UBE2L6: variants seen among roughly 807,000 people sequenced by gnomAD.
UBE2L6 encodes the protein ubiquitin/ISG15-conjugating enzyme E2 L6.
Under a neutral mutation model 13.6 loss-of-function variants are expected in UBE2L6, and 11 were observed. The observed-to-expected ratio is 0.81, with a 90% CI of 0.51 to 1.34. The LOEUF (loss-of-function observed/expected upper bound fraction) is 1.34, where lower values mean the gene tolerates loss of function less well. Among genes scored for constraint, UBE2L6 ranks in the 40% most tolerant of loss-of-function variants. The pLI is 0.00. For missense variants in UBE2L6, 197 were observed against 199.5 expected (o/e 0.99, Z 0.07); for synonymous variants, 74 against 83.2 (o/e 0.89, Z 0.60).
rs1554991567 is a variant in UBE2L6 at position 57,566,955 on chromosome 11, C to CT, written c.27+629_27+630insA. 7.7e-3 allele frequency: 1,638 copies of CT among 211,476 alleles called. 94 individuals are homozygous for CT. Among genetic ancestry groups the CT allele is most frequent in the African/African-American group, 0.049 (1,506 of 30,454 alleles). 13.1% of individuals were successfully genotyped at this position (211,476 alleles called of 1,614,324 possible). A position where few individuals can be genotyped will look rare whatever the true frequency, so the allele number is the denominator to read the frequency against. On this transcript the variant is annotated intron_variant, in intron 1 of 3. Coordinates refer to ENST00000287156, the MANE Select transcript of UBE2L6 (RefSeq NM_004223.5). ...TGTGTTCATCTCTGCCCGCCCCCCC[C>CT]CCCCTCCTAGAACAGGGCCAGCACA...
upstream of UBE2L6, chr11:57,567,720 C>T (rs950361653): frequency 2.8e-5 from 38 of 1,378,688 alleles, no homozygotes; most frequent in Middle Eastern, 2.5e-4. Context: ...CAGCCCCGCC[C>T]ACCCCTCCTC....
At chr11:57,566,838 A>G (rs1353872944) in intron 1 of UBE2L6, among the ~76,000 whole-genome samples, 1 of 150,428 alleles carries the variant, frequency 6.6e-6, no homozygotes, top group Admixed American at 6.6e-5. Context: ...GGGTTTTCCC[A>G]CCTTCTGGAG....
At chr11:57,560,729 T>A (rs1235683466) in intron 1 of UBE2L6, among the ~76,000 whole-genome samples, 1 of 151,632 alleles carries the variant, frequency 6.6e-6, no homozygotes, top group Non-Finnish European at 1.5e-5. Context: ...CACGCCATTC[T>A]CCTGCCTCAG....
At position 57,552,220 on chromosome 11, in the gene UBE2L6, C is replaced by T; in HGVS notation, c.*138G>A. The T allele has an allele frequency of 8.0e-7, 1 of 1,252,618 alleles. No homozygotes were observed. The highest frequency in any genetic ancestry group is 1.1e-6 in the Non-Finnish European group (1 of 889,438). The allele number at this position is 1,252,618 out of a possible 1,614,324, so 77.6% of individuals were successfully genotyped here. The stretch of plus-strand genomic sequence containing the variant: ...ATAGCTCCCTTCCCTCCACCACACA[C>T]ACACACAAACTAATGACTAACAACC... On this transcript the variant is annotated 3_prime_UTR_variant, in exon 4 of 4. Coordinates refer to ENST00000287156, the MANE Select transcript of UBE2L6 (RefSeq NM_004223.5).
rs531046585 is a variant in UBE2L6 at position 57,552,213 on chromosome 11, C to CCA, written c.*143_*144dup. Reference sequence around the variant, plus strand: ...CACACTCATAGCTCCCTTCCCTCCACCACACACACACACAAACTAATGACT... The same window carrying CCA: ...CACACTCATAGCTCCCTTCCCTCCACCACACACACACACACAAACTAATGACT... On this transcript the variant is annotated 3_prime_UTR_variant, in exon 4 of 4. Transcript: ENST00000287156. The CCA allele has an allele frequency of 1.8e-3, 2,040 of 1,145,548 alleles. 15 individuals carry two copies. The South Asian group carries it at 0.018, about 10-fold the overall frequency. The allele number at this position is 1,145,548 out of a possible 1,614,324, so 71.0% of individuals were successfully genotyped here.
At chr11:57,558,512 G>A (rs1210613395) in intron 2 of UBE2L6, among the ~76,000 whole-genome samples, 2 of 152,144 alleles carry the variant, frequency 1.3e-5, no homozygotes, top group Non-Finnish European at 2.9e-5. Context: ...TAACCTCCTT[G>A]GTTTCCATCT....
At chr11:57,553,732 C>G (rs1010123223) in intron 3 of UBE2L6, among the ~76,000 whole-genome samples, 1 of 150,100 alleles carries the variant, frequency 6.7e-6, no homozygotes, top group Non-Finnish European at 1.5e-5. Context: ...AAGCTGAGGC[C>G]GGAGAATCGC....
chr11:57,556,842 T>A (rs1206531434), intron 2 of UBE2L6, among the ~76,000 whole-genome samples: 1 of 151,274 alleles, frequency 6.6e-6, no homozygotes, highest in African/African-American at 2.4e-5. Flanking sequence ...TCCTAGCACT[T>A]TGGGAGGCTG....
At chr11:57,560,184 A>G (rs774432006) in intron 2 of UBE2L6, among the ~76,000 whole-genome samples, 153 bp downstream of exon 2, 13 of 152,324 alleles carry the variant, frequency 8.5e-5, no homozygotes, top group Non-Finnish European at 1.5e-4. Flanking sequence ...TCTCAGAAGC[A>G]ATCAATTCAG....
chr11:57,567,911 G>C (rs2234406), upstream of UBE2L6: 3,009 of 356,714 alleles, frequency 8.4e-3, 90 homozygotes, highest in African/African-American at 0.06. Context: ...CCTGCCTCCC[G>C]CGGGGTGCGC....
chr11:57,553,897 G>A (rs76276462), intron 3 of UBE2L6, among the ~76,000 whole-genome samples: 14,460 of 152,212 alleles, frequency 0.095, 771 homozygotes, highest in Middle Eastern at 0.23. Context: ...AAGTGCTGCC[G>A]TTTGTCATCT....
At chr11:57,554,858 G>A (rs558142200) in intron 2 of UBE2L6, among the ~76,000 whole-genome samples, 2 of 152,274 alleles carry the variant, frequency 1.3e-5, no homozygotes, top group Admixed American at 6.5e-5. Context: ...GTGTGACCAC[G>A]GGTGAGCCAC....
chr11:57,554,384 C>A, intron 3 of UBE2L6, 53 bp downstream of exon 3: 1 of 1,581,300 alleles, frequency 6.3e-7, no homozygotes, highest in South Asian at 1.1e-5. Flanking sequence ...AACCCCCTCT[C>A]CAGTAATCTC....
chr11:57,556,319 T>C (rs1944996934), intron 2 of UBE2L6, among the ~76,000 whole-genome samples: 1 of 152,046 alleles, frequency 6.6e-6, no homozygotes, highest in African/African-American at 2.4e-5. Context: ...GCACGATGGC[T>C]CACGTTTGTA....
At chr11:57,562,784 C>T (rs981419644) in intron 1 of UBE2L6, among the ~76,000 whole-genome samples, 1 of 152,172 alleles carries the variant, frequency 6.6e-6, no homozygotes. Flanking sequence ...GCTTGGAGTG[C>T]CCCCTTATGT....
chr11:57,560,005 C>A (rs1349519902), intron 2 of UBE2L6, among the ~76,000 whole-genome samples: 2 of 152,186 alleles, frequency 1.3e-5, no homozygotes, highest in Non-Finnish European at 2.9e-5. Flanking sequence ...TTTATCCCTA[C>A]CCCTTGACAA....
At chr11:57,558,816 C>T (rs1356743284) in intron 2 of UBE2L6, among the ~76,000 whole-genome samples, 1 of 152,198 alleles carries the variant, frequency 6.6e-6, no homozygotes, top group Non-Finnish European at 1.5e-5. Context: ...CAACCATCCC[C>T]TCCTTTATGG....
At position 57,554,535 on chromosome 11, in the gene UBE2L6, G is replaced by A; in HGVS notation, c.212C>T (p.Thr71Ile). ...CACGTTGGGGTGGTAGATCTTGGTT[G>A]TGAATTTGATCATGGGAGGCTTGAA... is the stretch of plus-strand genomic sequence containing the variant. Reference protein sequence around the residue: ...YPFKPPMIKFTTKIYHPNVDE... With the variant: ...YPFKPPMIKFITKIYHPNVDE... The change falls in exon 3 of 4, where the codon ACA becomes ATA. Residue 71 changes from threonine to isoleucine, a missense_variant. By Grantham distance (89) the Thr-to-Ile change is moderately conservative. Coordinates refer to ENST00000287156, the MANE Select transcript of UBE2L6 (RefSeq NM_004223.5). The A allele has an allele frequency of 6.2e-7, 1 of 1,614,020 alleles. No homozygotes were observed. Among genetic ancestry groups the A allele is most frequent in the Admixed American group, 1.7e-5 (1 of 60,010 alleles).
Position 57,566,957 on chromosome 11 carries a change from C to CCCGCCG in UBE2L6, c.27+627_27+628insCGGCGG, listed in dbSNP as rs1554991547. 1.2e-3 allele frequency: 269 copies of CCCGCCG among 220,230 alleles called. 4 individuals are homozygous for CCCGCCG. Among genetic ancestry groups the CCCGCCG allele is most frequent in the Non-Finnish European group, 1.5e-3 (155 of 105,042 alleles). The allele number at this position is 220,230 out of a possible 1,614,324, so 13.6% of individuals were successfully genotyped here. ...TGTTCATCTCTGCCCGCCCCCCCCCCCCTCCTAGAACAGGGCCAGCACATG... is the reference window on the plus strand; with the variant it reads ...TGTTCATCTCTGCCCGCCCCCCCCCCCCGCCGCCTCCTAGAACAGGGCCAGCACATG... On this transcript the variant is annotated intron_variant, in intron 1 of 3. Transcript: ENST00000287156.
Sources: gnomAD v4.1 joint callset for allele counts (sites outside exome capture counted in the v4.1 genomes callset) on GRCh38, gnomAD v4.1.1 for gene constraint, MANE v1.5 for transcripts, NCBI Gene and HGNC (gene_info 2026-07-23, HGNC 2026-07-21) for gene names.